HS6ST1: variants seen among roughly 807,000 people sequenced by gnomAD.
HS6ST1 encodes the protein heparan-sulfate 6-O-sulfotransferase 1.
Under a neutral mutation model 25.2 loss-of-function variants are expected in HS6ST1, and 3 were observed. The ratio of observed to expected loss-of-function variants is 0.12; its 90% CI spans 0.05 to 0.31. The LOEUF (loss-of-function observed/expected upper bound fraction) is 0.31. Ranked by LOEUF, HS6ST1 falls within the 10% of genes least tolerant of loss-of-function variation. HS6ST1 has a pLI of 1.00. For synonymous variants in HS6ST1, 204 were observed against 275.1 expected, an observed-to-expected ratio of 0.74 and a Z score of 2.56; for missense variants, 310 against 609.6, an observed-to-expected ratio of 0.51 and a Z score of 5.18.
At chr2:128,317,540 G>A (rs1573714005) in intron 1 of HS6ST1, among the ~76,000 whole-genome samples, 1 of 152,326 alleles carries the variant, frequency 6.6e-6, no homozygotes, top group Non-Finnish European at 1.5e-5. Flanking sequence ...TTCCCTGGCA[G>A]CTCCCCCACC....
chr2:128,301,519 A>C lies in HS6ST1; in HGVS notation c.527+16518T>G, dbSNP rs547690967. The stretch of plus-strand genomic sequence containing the variant: ...AAATTGCTCAGCTCTTAAAGGGACC[A>C]GTGGGAAGGAATTTCAAATACGAAG... On this transcript the variant is annotated intron_variant, in intron 1 of 1. Coordinates refer to ENST00000259241, the MANE Select transcript of HS6ST1 (RefSeq NM_004807.3). Among the ~76,000 whole-genome samples the C allele has an allele frequency of 4.6e-5, 7 of 152,344 alleles. No individual in the cohort carries two copies. The East Asian group carries it at 1.3e-3, about 29-fold the overall frequency.
chr2:128,311,090 GCTCA>G (rs1242914969), intron 1 of HS6ST1, among the ~76,000 whole-genome samples: 1 of 152,120 alleles, frequency 6.6e-6, no homozygotes, highest in Admixed American at 6.5e-5. Flanking sequence ...GCTACCACCA[GCTCA>G]CTGTCATTTG....
Position 128,268,790 on chromosome 2 carries a change from G to A in HS6ST1, c.608C>T (p.Thr203Met), listed in dbSNP as rs763039985. ...ACACATATGCAACGACGTCTTCCACGTGGCACCCCTCTGCACATGCCGCCA... is the reference window on the plus strand; with the variant it reads ...ACACATATGCAACGACGTCTTCCACATGGCACCCCTCTGCACATGCCGCCA... ...SEWRHVQRGA[T>M]WKTSLHMCDG... The change falls in exon 2 of 2, where the codon ACG becomes ATG. Residue 203 changes from threonine (T) to methionine (M), a missense_variant. Physicochemically the swap from Thr to Met is moderately conservative, Grantham distance 81. This residue lies in a region of HS6ST1 where 98 missense variants were observed against 270.3 expected (regional missense o/e 0.36). Coordinates refer to ENST00000259241, the MANE Select transcript of HS6ST1 (RefSeq NM_004807.3). 7.4e-6 allele frequency: 12 copies of A among 1,612,622 alleles called. No homozygotes were observed. Among genetic ancestry groups the A allele is most frequent in the East Asian group, 2.2e-5 (1 of 44,894 alleles).
At chr2:128,283,666 C>G (rs1315502128) in intron 1 of HS6ST1, among the ~76,000 whole-genome samples, 1 of 152,180 alleles carries the variant, frequency 6.6e-6, no homozygotes, top group Non-Finnish European at 1.5e-5. Flanking sequence ...CGGCCTCCCC[C>G]TCGCTCCTCC....
chr2:128,272,513 A>G (rs1489248457), intron 1 of HS6ST1, among the ~76,000 whole-genome samples: 1 of 152,098 alleles, frequency 6.6e-6, no homozygotes, highest in East Asian at 1.9e-4. Flanking sequence ...AGGCTCAGTT[A>G]CCACGTGTCC....
chr2:128,270,817 T>G (rs1455533497), intron 1 of HS6ST1, among the ~76,000 whole-genome samples: 2 of 152,158 alleles, frequency 1.3e-5, no homozygotes, highest in African/African-American at 2.4e-5. Context: ...ACAGAGAAGC[T>G]TGCCCTCCTA....
intron 1 of HS6ST1, among the ~76,000 whole-genome samples, chr2:128,281,529 G>A (rs979877796): frequency 2.4e-4 from 36 of 152,170 alleles, no homozygotes; most frequent in Admixed American, 1.3e-4. Flanking sequence ...GGATGTGACC[G>A]CGGAGCACCA....
At chr2:128,313,449 A>G (rs1694319677) in intron 1 of HS6ST1, among the ~76,000 whole-genome samples, 1 of 152,204 alleles carries the variant, frequency 6.6e-6, no homozygotes, top group African/African-American at 2.4e-5. Flanking sequence ...GATGGCTTCA[A>G]TTACAGTGGA....
intron 1 of HS6ST1, among the ~76,000 whole-genome samples, chr2:128,269,441 C>T (rs962658863): frequency 2.0e-5 from 3 of 152,180 alleles, no homozygotes; most frequent in Non-Finnish European, 4.4e-5. Context: ...AAGACACCAA[C>T]GCATTGCACA....
chr2:128,279,330 CTT>C (rs61670210), intron 1 of HS6ST1, among the ~76,000 whole-genome samples: 14,756 of 124,508 alleles, frequency 0.12, 1,043 homozygotes, highest in Non-Finnish European at 0.16. Flanking sequence ...ATGACAGAAC[CTT>C]TTTTTTTTTT....
intron 1 of HS6ST1, among the ~76,000 whole-genome samples, chr2:128,316,323 G>A (rs1015677820): frequency 3.3e-5 from 5 of 152,228 alleles, no homozygotes; most frequent in African/African-American, 7.2e-5. Context: ...AAGCTTCCAC[G>A]CAATCCTCTT....
intron 1 of HS6ST1, among the ~76,000 whole-genome samples, chr2:128,305,185 C>T (rs901975893): frequency 2.0e-5 from 3 of 152,254 alleles, no homozygotes; most frequent in African/African-American, 7.2e-5. Flanking sequence ...AATCCCAATA[C>T]CTGCCTTTTA....
At chr2:128,282,388 G>T (rs1007583665) in intron 1 of HS6ST1, among the ~76,000 whole-genome samples, 2 of 152,210 alleles carry the variant, frequency 1.3e-5, no homozygotes, top group East Asian at 3.9e-4. Flanking sequence ...GGGTCACTGG[G>T]CGGGCCTTCC....
rs1453073459 is a variant in HS6ST1 at position 128,268,792 on chromosome 2, G to C, written c.606C>G (p.Ala202=). The C allele has an allele frequency of 6.2e-6, 10 of 1,612,856 alleles. No individual in the cohort carries two copies. The highest frequency in any genetic ancestry group is 8.5e-6 in the Non-Finnish European group (10 of 1,179,906). ...ACATATGCAACGACGTCTTCCACGT[G>C]GCACCCCTCTGCACATGCCGCCACT... is the stretch of plus-strand genomic sequence containing the variant. ...LSEWRHVQRG[A]TWKTSLHMCD... The change falls in exon 2 of 2, where the codon GCC becomes GCG. Residue 202 remains alanine (A), a synonymous_variant. Transcript: ENST00000259241.
chr2:128,315,482 A>C lies in HS6ST1; in HGVS notation c.527+2555T>G, dbSNP rs539051700. Among the ~76,000 whole-genome samples, 38 of 152,298 alleles carry C rather than the reference A, an allele frequency of 2.5e-4. 1 individual carries two copies. The highest frequency in any genetic ancestry group is 9.1e-4 in the African/African-American group (38 of 41,560). On this transcript the variant is annotated intron_variant, in intron 1 of 1. Transcript: ENST00000259241. ...CTTGGGCAGGGAGGCAGGCAGAGAT[A>C]GAAGGAAAAGAGGGTCTCAGTCCCC... is the stretch of plus-strand genomic sequence containing the variant.
intron 1 of HS6ST1, among the ~76,000 whole-genome samples, chr2:128,308,693 G>A (rs999645077): frequency 1.3e-5 from 2 of 152,192 alleles, no homozygotes; most frequent in African/African-American, 2.4e-5. Context: ...ATAGCCCAAG[G>A]TGAGCAGGAG....
At chr2:128,272,055 C>T (rs1693616526) in intron 1 of HS6ST1, among the ~76,000 whole-genome samples, 1 of 152,208 alleles carries the variant, frequency 6.6e-6, no homozygotes, top group East Asian at 1.9e-4. Flanking sequence ...GTGGTGAGGG[C>T]AGCCATGGGC....
At chr2:128,283,659 C>A (rs946904470) in intron 1 of HS6ST1, among the ~76,000 whole-genome samples, 1 of 152,142 alleles carries the variant, frequency 6.6e-6, no homozygotes, top group Non-Finnish European at 1.5e-5. Context: ...GCAGCCTCGG[C>A]CTCCCCCTCG....
At chr2:128,277,109 C>T (rs1693708220) in intron 1 of HS6ST1, among the ~76,000 whole-genome samples, 1 of 152,162 alleles carries the variant, frequency 6.6e-6, no homozygotes, top group Admixed American at 6.5e-5. Context: ...GTTCACCGTC[C>T]AGGAGTAGGA....
Sources: allele counts gnomAD v4.1 joint callset (sites outside exome capture counted in the v4.1 genomes callset), GRCh38; gene constraint gnomAD v4.1.1; regional missense constraint gnomAD v4.1.1; transcripts MANE v1.5; gene names NCBI Gene and HGNC (gene_info 2026-07-23, HGNC 2026-07-21).